CTNNA2: variants seen among roughly 807,000 people sequenced by gnomAD.
CTNNA2 encodes catenin alpha-2.
Under a neutral mutation model 101.0 loss-of-function variants are expected in CTNNA2, and 42 were observed. The ratio of observed to expected loss-of-function variants is 0.42; its 90% CI spans 0.32 to 0.54. The LOEUF (loss-of-function observed/expected upper bound fraction) is 0.54. CTNNA2 is among the 20% of genes least tolerant of loss of function. The pLI, the probability that CTNNA2 is intolerant of heterozygous loss-of-function variation, is 0.14. For missense variants in CTNNA2, 871 were observed against 1,223.1 expected (o/e 0.71, Z 4.29); for synonymous variants, 450 against 456.4 (o/e 0.99, Z 0.18).
At chr2:80,198,441 A>G (rs748389559) in intron 7 of CTNNA2, among the ~76,000 whole-genome samples, 9 of 152,186 alleles carry the variant, frequency 5.9e-5, no homozygotes, top group Non-Finnish European at 1.2e-4. Context: ...CTAAGCTCTC[A>G]TAAAATATAA....
intron 7 of CTNNA2, among the ~76,000 whole-genome samples, chr2:80,244,289 T>C (rs767745517): frequency 5.4e-4 from 82 of 152,254 alleles, no homozygotes; most frequent in Non-Finnish European, 8.5e-4. Flanking sequence ...TTGACTAACA[T>C]GTGATGTTCA....
At chr2:79,426,651 T>C (rs1678595277) in intron 4 of CTNNA2, among the ~76,000 whole-genome samples, 1 of 152,156 alleles carries the variant, frequency 6.6e-6, no homozygotes, top group African/African-American at 2.4e-5. Context: ...TGATGCCAGC[T>C]TATGGATCTT....
chr2:80,552,576 G>C (rs541529560), intron 11 of CTNNA2, among the ~76,000 whole-genome samples: 2 of 152,088 alleles, frequency 1.3e-5, no homozygotes, highest in Non-Finnish European at 2.9e-5. Flanking sequence ...TTGACGACAG[G>C]CATATGTTCT....
intron 13 of CTNNA2, among the ~76,000 whole-genome samples, chr2:80,580,619 T>C (rs1441668561): frequency 1.3e-5 from 2 of 152,190 alleles, no homozygotes; most frequent in South Asian, 2.1e-4. Context: ...CTGAGCTAAA[T>C]TGATAATACA....
intron 7 of CTNNA2, among the ~76,000 whole-genome samples, chr2:80,096,258 C>T (rs921047173): frequency 3.9e-5 from 6 of 152,088 alleles, no homozygotes; most frequent in Non-Finnish European, 8.8e-5. Flanking sequence ...CATTTTGTTA[C>T]ATACTCAGTA....
chr2:80,632,133 C>T (rs1558662281), intron 18 of CTNNA2, among the ~76,000 whole-genome samples: 1 of 152,068 alleles, frequency 6.6e-6, no homozygotes, highest in Admixed American at 6.6e-5. Flanking sequence ...CCATAATCTC[C>T]ATTTGTACAG....
chr2:80,158,257 G>T (rs1704101594), intron 7 of CTNNA2, among the ~76,000 whole-genome samples: 1 of 152,088 alleles, frequency 6.6e-6, no homozygotes, highest in Non-Finnish European at 1.5e-5. Flanking sequence ...CAAGCATTTT[G>T]ACTCAAACAC....
chr2:80,465,681 C>T (rs1684798037), intron 9 of CTNNA2, among the ~76,000 whole-genome samples: 1 of 152,072 alleles, frequency 6.6e-6, no homozygotes, highest in Non-Finnish European at 1.5e-5. Flanking sequence ...CCTAGCCCTC[C>T]CTCTATTTTA....
chr2:80,152,888 C>A (rs1703792359), intron 7 of CTNNA2, among the ~76,000 whole-genome samples: 1 of 152,146 alleles, frequency 6.6e-6, no homozygotes, highest in African/African-American at 2.4e-5. Context: ...ACAATAAACC[C>A]AAAATAACTG....
Position 79,323,699 on chromosome 2 carries a change from G to C in CTNNA2, c.-318+10903G>C, listed in dbSNP as rs182206075. Among the ~76,000 whole-genome samples the C allele has an allele frequency of 4.6e-5, 7 of 152,328 alleles. No homozygotes were observed. In the East Asian group the frequency reaches 9.6e-4, roughly 21 times the overall value. On this transcript the variant is annotated intron_variant, in intron 3 of 21. Coordinates refer to the CTNNA2 transcript ENST00000466387. ...CTTCCCTTTTTAGTGATTGGTGCAG[G>C]ATTAGGGATGTAATATACAATAGGA...
intron 3 of CTNNA2, among the ~76,000 whole-genome samples, chr2:79,768,521 C>T (rs1487788596): frequency 6.6e-6 from 1 of 151,616 alleles, no homozygotes; most frequent in Non-Finnish European, 1.5e-5. Context: ...GCTCTGCCTC[C>T]TCCCCAGCTT....
intron 6 of CTNNA2, among the ~76,000 whole-genome samples, chr2:79,897,480 T>C (rs1025861110): frequency 1.2e-4 from 18 of 152,212 alleles, no homozygotes; most frequent in African/African-American, 4.1e-4. Context: ...TTAATATCTA[T>C]AACTCACTAC....
chr2:79,650,742 C>A (rs112066057), intron 1 of CTNNA2, among the ~76,000 whole-genome samples: 1 of 150,184 alleles, frequency 6.7e-6, no homozygotes, highest in African/African-American at 2.5e-5. Context: ...CCCACTAACT[C>A]GTCATCTAGC....
chr2:80,456,993 T>G (rs902235118), intron 9 of CTNNA2, among the ~76,000 whole-genome samples: 1 of 152,230 alleles, frequency 6.6e-6, no homozygotes, highest in African/African-American at 2.4e-5. Flanking sequence ...GTATTTGGAA[T>G]GTTTTCAACA....
At chr2:80,387,745 A>G (rs1677146878) in intron 7 of CTNNA2, among the ~76,000 whole-genome samples, 1 of 152,192 alleles carries the variant, frequency 6.6e-6, no homozygotes, top group Non-Finnish European at 1.5e-5. Context: ...TAAAAATCCA[A>G]GTCAGGAAAT....
At chr2:79,908,915 C>T (rs1685601572) in intron 6 of CTNNA2, among the ~76,000 whole-genome samples, 1 of 152,176 alleles carries the variant, frequency 6.6e-6, no homozygotes, top group African/African-American at 2.4e-5. Flanking sequence ...ATGCTAAGCT[C>T]ATGTTCTATG....
chr2:79,790,829 A>T (rs1675216574), intron 3 of CTNNA2, among the ~76,000 whole-genome samples: 1 of 152,220 alleles, frequency 6.6e-6, no homozygotes, highest in African/African-American at 2.4e-5. Context: ...GCATAATAAG[A>T]CATAGTAACC....
At chr2:80,045,840 A>G (rs1405864900) in intron 7 of CTNNA2, among the ~76,000 whole-genome samples, 4 of 152,198 alleles carry the variant, frequency 2.6e-5, no homozygotes, top group Non-Finnish European at 5.9e-5. Context: ...AATCTTTGGG[A>G]AACAATAGAA....
At chr2:79,963,389 G>C (rs921187263) in intron 7 of CTNNA2, among the ~76,000 whole-genome samples, 5 of 152,166 alleles carry the variant, frequency 3.3e-5, no homozygotes, top group Admixed American at 6.5e-5. Context: ...TTGCAGCAAA[G>C]GTTCCTAAAC....
Sources: allele counts gnomAD v4.1 joint callset (sites outside exome capture counted in the v4.1 genomes callset), GRCh38; gene constraint gnomAD v4.1.1; transcripts MANE v1.5; gene names NCBI Gene and HGNC (gene_info 2026-07-23, HGNC 2026-07-21).